The following GALNTL6 variants were observed in gnomAD, a reference collection of about 807,000 sequenced individuals.
GALNTL6 encodes the protein polypeptide N-acetylgalactosaminyltransferase-like 6.
In GALNTL6, 46 loss-of-function variants were observed where a neutral mutation model predicts 73.7. The ratio of observed to expected loss-of-function variants is 0.62; its 90% CI spans 0.49 to 0.80. The LOEUF (loss-of-function observed/expected upper bound fraction) is 0.80, where lower values mean the gene tolerates loss of function less well. Ranked by LOEUF, GALNTL6 falls within the 30% of genes least tolerant of loss-of-function variation. The pLI, the probability that GALNTL6 is intolerant of heterozygous loss-of-function variation, is 0.00. For synonymous variants in GALNTL6, 259 were observed against 263.7 expected (o/e 0.98, Z 0.17); for missense variants, 604 against 755.0 (o/e 0.80, Z 2.34).
intron 2 of GALNTL6, among the ~76,000 whole-genome samples, chr4:172,066,785 C>A (rs1362203235): frequency 6.6e-6 from 1 of 152,080 alleles, no homozygotes; most frequent in Non-Finnish European, 1.5e-5. Context: ...CCCTACTAAA[C>A]CTTGCTAGTT....
intron 2 of GALNTL6, among the ~76,000 whole-genome samples, chr4:172,177,782 CA>C (rs1560955500): frequency 8.1e-5 from 5 of 61,518 alleles, no homozygotes; most frequent in Non-Finnish European, 1.7e-4. Context: ...CACATATATA[CA>C]CATGTGTATA....
chr4:172,994,796 G>A (rs976092926), intron 10 of GALNTL6, among the ~76,000 whole-genome samples: 1 of 152,128 alleles, frequency 6.6e-6, no homozygotes, highest in South Asian at 2.1e-4. Context: ...GGTCTCAGGG[G>A]TTTTGCTGCC....
intron 10 of GALNTL6, among the ~76,000 whole-genome samples, chr4:173,006,847 C>A (rs1398886734): frequency 6.6e-6 from 1 of 152,162 alleles, no homozygotes; most frequent in Non-Finnish European, 1.5e-5. Flanking sequence ...TTGTTTGTTT[C>A]AAAAATGTCC....
chr4:172,681,144 A>C (rs1005312984), intron 5 of GALNTL6, among the ~76,000 whole-genome samples: 3 of 152,174 alleles, frequency 2.0e-5, no homozygotes. Context: ...AATGGCAGGT[A>C]ATCAAGCAGA....
intron 5 of GALNTL6, among the ~76,000 whole-genome samples, chr4:172,645,625 C>G (rs931238305): frequency 3.3e-5 from 5 of 151,654 alleles, no homozygotes; most frequent in African/African-American, 1.2e-4. Context: ...ATTAAGCCCT[C>G]TATAACAAAA....
chr4:172,175,586 G>A (rs1031420361), intron 2 of GALNTL6, among the ~76,000 whole-genome samples: 2 of 152,156 alleles, frequency 1.3e-5, no homozygotes, highest in African/African-American at 2.4e-5. Flanking sequence ...AGTGATTTTG[G>A]GGAAGAATGT....
At chr4:172,736,246 T>G (rs1195845945) in intron 5 of GALNTL6, among the ~76,000 whole-genome samples, 1 of 152,188 alleles carries the variant, frequency 6.6e-6, no homozygotes, top group Non-Finnish European at 1.5e-5. Context: ...ATCCCTTATC[T>G]ACAACTGCAT....
At chr4:172,299,223 T>C (rs918348482) in intron 3 of GALNTL6, among the ~76,000 whole-genome samples, 2 of 152,186 alleles carry the variant, frequency 1.3e-5, no homozygotes, top group Admixed American at 1.3e-4. Context: ...ATCCCCTTTA[T>C]CATTTTTTAT....
intron 5 of GALNTL6, among the ~76,000 whole-genome samples, chr4:172,587,211 C>T (rs532487724): frequency 8.3e-4 from 126 of 152,320 alleles, no homozygotes; most frequent in African/African-American, 2.9e-3. Flanking sequence ...AAACCATAGA[C>T]TTCTAGACCT....
At chr4:171,821,089 G>T (rs1294617757) in intron 2 of GALNTL6, among the ~76,000 whole-genome samples, 1 of 152,098 alleles carries the variant, frequency 6.6e-6, no homozygotes, top group Middle Eastern at 3.2e-3. Flanking sequence ...CAGCTAGAGT[G>T]CAGTGGTGCA....
At chr4:171,825,788 G>A (rs1023916444) in intron 2 of GALNTL6, among the ~76,000 whole-genome samples, 8 of 152,076 alleles carry the variant, frequency 5.3e-5, no homozygotes, top group Non-Finnish European at 8.8e-5. Flanking sequence ...TTATTAGCCC[G>A]ATGAATAGAT....
intron 2 of GALNTL6, among the ~76,000 whole-genome samples, chr4:171,848,474 G>A (rs1735433045): frequency 6.6e-6 from 1 of 152,124 alleles, no homozygotes; most frequent in African/African-American, 2.4e-5. Flanking sequence ...TTGAAAACCA[G>A]GCCTTGACTT....
At chr4:172,766,043 A>C (rs1056041964) in intron 5 of GALNTL6, among the ~76,000 whole-genome samples, 1 of 152,186 alleles carries the variant, frequency 6.6e-6, no homozygotes. Flanking sequence ...CAGCATTCAA[A>C]TATAACATGA....
Position 171,813,567 on chromosome 4 carries a change from C to G in GALNTL6, c.-593C>G, listed in dbSNP as rs988289361. ...GGTTTCTCCGCCTCCATCCCCTTTACGAGAAGAGGAGATCAAAAAATATTG... is the reference window on the plus strand; with the variant it reads ...GGTTTCTCCGCCTCCATCCCCTTTAGGAGAAGAGGAGATCAAAAAATATTG... On this transcript the variant is annotated 5_prime_UTR_variant, in exon 1 of 13. Coordinates refer to ENST00000506823, the MANE Select transcript of GALNTL6 (RefSeq NM_001034845.3). The surrounding 1 kb of genome is among the most constrained non-coding windows in gnomAD (Gnocchi z 5.2). The G allele has an allele frequency of 3.3e-5, 5 of 152,352 alleles. No homozygotes were observed. The highest frequency in any genetic ancestry group is 2.1e-4 in the South Asian group (1 of 4,844). The allele number at this position is 152,352 out of a possible 1,614,324, so 9.4% of individuals were successfully genotyped here. A position where few individuals can be genotyped will look rare whatever the true frequency, so the allele number is the denominator to read the frequency against.
chr4:172,287,583 G>T (rs976874333), intron 3 of GALNTL6, among the ~76,000 whole-genome samples: 36 of 152,126 alleles, frequency 2.4e-4, no homozygotes, highest in African/African-American at 8.7e-4. Context: ...AAATGTACTT[G>T]CCAAGTCTTT....
At chr4:172,001,147 G>C (rs1349493766) in intron 2 of GALNTL6, among the ~76,000 whole-genome samples, 1 of 152,130 alleles carries the variant, frequency 6.6e-6, no homozygotes, top group African/African-American at 2.4e-5. Flanking sequence ...CAACAAAAGA[G>C]AGTTGAGAAA....
intron 5 of GALNTL6, among the ~76,000 whole-genome samples, chr4:172,600,792 G>C (rs1456807015): frequency 2.0e-5 from 3 of 152,038 alleles, no homozygotes; most frequent in Non-Finnish European, 4.4e-5. Context: ...TTGAAAACCA[G>C]CCTGGAAAGG....
At chr4:172,032,328 C>T (rs1339342762) in intron 2 of GALNTL6, among the ~76,000 whole-genome samples, 1 of 152,008 alleles carries the variant, frequency 6.6e-6, no homozygotes, top group Non-Finnish European at 1.5e-5. Context: ...AGACCTATGA[C>T]ACTCTGAATA....
At chr4:172,687,384 C>T (rs1283415423) in intron 5 of GALNTL6, among the ~76,000 whole-genome samples, 1 of 152,008 alleles carries the variant, frequency 6.6e-6, no homozygotes, top group Non-Finnish European at 1.5e-5. Context: ...AATCCCAGCA[C>T]TTTGGAAGGC....
Sources: gnomAD v4.1 joint callset for allele counts (sites outside exome capture counted in the v4.1 genomes callset) on GRCh38, gnomAD v4.1.1 for gene constraint, Gnocchi (gnomAD v3.1) non-coding constraint, MANE v1.5 for transcripts, NCBI Gene and HGNC (gene_info 2026-07-23, HGNC 2026-07-21) for gene names.